MTCL3: variants seen among roughly 807,000 people sequenced by gnomAD.
MTCL3 encodes the protein MTCL family member 3, also known as microtubule cross-linking factor 3.
At chr6:127,478,986 C>CAGCCT in the MTCL3 span, among the ~76,000 whole-genome samples, 1 of 142,684 alleles carries the variant, frequency 7.0e-6, no homozygotes, top group African/African-American at 2.6e-5. Context: ...CACTGCACTC[C>CAGCCT]AGCCTGGGTG....
At chr6:127,491,298 A>G in the MTCL3 span, among the ~76,000 whole-genome samples, 45,500 of 152,112 alleles carry the variant, frequency 0.3, 7,531 homozygotes, top group Middle Eastern at 0.39. Flanking sequence ...AGGAAGAGCC[A>G]ACTGACGTGG....
At chr6:127,516,192 T>A in the MTCL3 span, 6 of 1,433,716 alleles carry the variant, frequency 4.2e-6, no homozygotes, top group African/African-American at 8.9e-5. Context: ...CCTCGGGCGG[T>A]CCGGGCCTCC....
chr6:127,475,876 C>A, the MTCL3 span: 3 of 1,613,616 alleles, frequency 1.9e-6, no homozygotes, highest in Non-Finnish European at 2.5e-6. This position sits in a 1 kb window ranked among gnomAD's most constrained non-coding sequence, Gnocchi z 7.3. Context: ...CATGACCTTG[C>A]CGCTGAGCTC....
chr6:127,476,235 T>G, the MTCL3 span: 1 of 1,614,162 alleles, frequency 6.2e-7, no homozygotes, highest in Non-Finnish European at 8.5e-7. This position sits in a 1 kb window ranked among gnomAD's most constrained non-coding sequence, Gnocchi z 4.4. Context: ...GGATGTTGGC[T>G]TCTTCCTCCA....
chr6:127,493,357 A>G, the MTCL3 span, among the ~76,000 whole-genome samples: 1 of 152,250 alleles, frequency 6.6e-6, no homozygotes, highest in Non-Finnish European at 1.5e-5. Flanking sequence ...GAAAAGAAGC[A>G]TTATTAATTC....
At chr6:127,473,861 T>C in the MTCL3 span, among the ~76,000 whole-genome samples, 1 of 152,226 alleles carries the variant, frequency 6.6e-6, no homozygotes, top group South Asian at 2.1e-4. Context: ...GCATTGCCTG[T>C]TTTGTTTCAT....
chr6:127,517,315 GAA>G, the MTCL3 span, among the ~76,000 whole-genome samples: 39 of 152,162 alleles, frequency 2.6e-4, no homozygotes, highest in Admixed American at 1.2e-3. Flanking sequence ...AGAACTAAAA[GAA>G]AATATAAATA....
the MTCL3 span, chr6:127,476,367 A>C: frequency 6.2e-7 from 1 of 1,614,190 alleles, no homozygotes; most frequent in East Asian, 2.2e-5. The surrounding 1 kb of genome is among the most constrained non-coding windows in gnomAD (Gnocchi z 4.4). Context: ...GCTCGTGTTC[A>C]AATCTGTCCT....
chr6:127,494,803 T>C, the MTCL3 span, among the ~76,000 whole-genome samples: 2 of 152,186 alleles, frequency 1.3e-5, no homozygotes, highest in Non-Finnish European at 2.9e-5. Flanking sequence ...TAAGTGCTTC[T>C]TTAATATATC....
At chr6:127,485,190 G>T in the MTCL3 span, among the ~76,000 whole-genome samples, 3 of 152,138 alleles carry the variant, frequency 2.0e-5, no homozygotes, top group African/African-American at 7.2e-5. Context: ...GGCTAGAGAT[G>T]GTGTGGGGAG....
At chr6:127,478,485 A>G in the MTCL3 span, among the ~76,000 whole-genome samples, 1 of 152,352 alleles carries the variant, frequency 6.6e-6, no homozygotes, top group South Asian at 2.1e-4. Flanking sequence ...TTTTGGGTGA[A>G]GAATGTGGGT....
chr6:127,480,879 A>G, the MTCL3 span, among the ~76,000 whole-genome samples: 76 of 152,312 alleles, frequency 5.0e-4, no homozygotes, highest in African/African-American at 1.8e-3. Context: ...CAGTCTCCTG[A>G]GGTGGGTTTT....
At chr6:127,488,675 A>T in the MTCL3 span, among the ~76,000 whole-genome samples, 1 of 152,216 alleles carries the variant, frequency 6.6e-6, no homozygotes, top group Non-Finnish European at 1.5e-5. Flanking sequence ...AAATGGAAAG[A>T]AGCTGGAAAA....
chr6:127,512,540 C>G, the MTCL3 span, among the ~76,000 whole-genome samples: 9,807 of 152,176 alleles, frequency 0.064, 372 homozygotes, highest in East Asian at 0.11. Context: ...TCTCATGGGG[C>G]TAATTATTCC....
At chr6:127,482,418 C>A in the MTCL3 span, among the ~76,000 whole-genome samples, 85 of 152,290 alleles carry the variant, frequency 5.6e-4, no homozygotes, top group African/African-American at 1.8e-3. The surrounding 1 kb of genome is among the most constrained non-coding windows in gnomAD (Gnocchi z 4.1). Context: ...TTGAGTACAT[C>A]TTTCAACTTT....
the MTCL3 span, among the ~76,000 whole-genome samples, chr6:127,496,655 A>T: frequency 6.6e-6 from 1 of 152,250 alleles, no homozygotes; most frequent in East Asian, 1.9e-4. Flanking sequence ...AATAACCAAA[A>T]GTTGGAAACA....
the MTCL3 span, among the ~76,000 whole-genome samples, chr6:127,483,569 C>T: frequency 1.3e-5 from 2 of 152,164 alleles, no homozygotes; most frequent in South Asian, 4.1e-4. Flanking sequence ...AGCTTCAGCT[C>T]ATTGTGTGAT....
At chr6:127,481,483 GAA>G in the MTCL3 span, 7 of 985,188 alleles carry the variant, frequency 7.1e-6, no homozygotes, top group Non-Finnish European at 8.4e-6. Flanking sequence ...AGTACCAGGA[GAA>G]AACAGAGCAG....
the MTCL3 span, among the ~76,000 whole-genome samples, chr6:127,493,921 C>T: frequency 6.6e-6 from 1 of 152,122 alleles, no homozygotes; most frequent in Non-Finnish European, 1.5e-5. Flanking sequence ...AGATTGACGA[C>T]AGAGTTATGT....
Sources: gnomAD v4.1 joint callset for allele counts (sites outside exome capture counted in the v4.1 genomes callset) on GRCh38, gnomAD v4.1.1 for gene constraint, Gnocchi (gnomAD v3.1) non-coding constraint, MANE v1.5 for transcripts, NCBI Gene and HGNC (gene_info 2026-07-23, HGNC 2026-07-21) for gene names.